The following IGSF11 variants were observed in gnomAD, a reference collection of about 807,000 sequenced individuals.
IGSF11 encodes the protein immunoglobulin superfamily member 11, also known as CXADR like 1.
In IGSF11, 22 loss-of-function variants were observed where a neutral mutation model predicts 41.0. That is an observed-to-expected ratio of 0.54 (90% confidence interval 0.38 to 0.77). IGSF11 has a LOEUF of 0.77. Ranked by LOEUF, IGSF11 falls within the 30% of genes least tolerant of loss-of-function variation. The pLI, the probability that IGSF11 is intolerant of heterozygous loss-of-function variation, is 0.00. For synonymous variants in IGSF11, 219 were observed against 201.3 expected, an observed-to-expected ratio of 1.09 and a Z score of -0.74; for missense variants, 444 against 530.8, an observed-to-expected ratio of 0.84 and a Z score of 1.61.
At chr3:118,969,181 C>G (rs547844206) in intron 1 of IGSF11, among the ~76,000 whole-genome samples, 2 of 151,706 alleles carry the variant, frequency 1.3e-5, no homozygotes, top group South Asian at 2.1e-4. Context: ...ATGCAAGTGC[C>G]AAGTGGTAAA....
intron 1 of IGSF11, among the ~76,000 whole-genome samples, chr3:118,977,228 A>G (rs2107629243): frequency 6.6e-6 from 1 of 152,260 alleles, no homozygotes; most frequent in East Asian, 1.9e-4. Context: ...TGGGAGGGTG[A>G]GCTCAGAGGT....
At chr3:119,045,286 T>C (rs969193387) in intron 1 of IGSF11, among the ~76,000 whole-genome samples, 5 of 152,260 alleles carry the variant, frequency 3.3e-5, no homozygotes, top group Admixed American at 1.3e-4. Context: ...AGTGGGTGCG[T>C]GCACCGTGCA....
At chr3:119,137,219 A>G (rs72953085) in intron 1 of IGSF11, among the ~76,000 whole-genome samples, 12,122 of 152,180 alleles carry the variant, frequency 0.08, 638 homozygotes, top group Admixed American at 0.16. Context: ...AATAAAAAAA[A>G]AATCCTCAAA....
chr3:119,140,813 G>A (rs889274737), intron 1 of IGSF11, among the ~76,000 whole-genome samples: 88 of 151,906 alleles, frequency 5.8e-4, no homozygotes, highest in African/African-American at 2.0e-3. Flanking sequence ...GGAGGCCGAG[G>A]AGGGTGGATC....
At chr3:118,928,329 A>C (rs1240729433) in intron 3 of IGSF11, among the ~76,000 whole-genome samples, 180 bp downstream of exon 3, 1 of 152,212 alleles carries the variant, frequency 6.6e-6, no homozygotes, top group Non-Finnish European at 1.5e-5. Flanking sequence ...CCGGAAATGA[A>C]GAAAGGAGGG....
intron 1 of IGSF11, among the ~76,000 whole-genome samples, chr3:119,081,906 A>G (rs2107481913): frequency 6.6e-6 from 1 of 152,324 alleles, no homozygotes; most frequent in South Asian, 2.1e-4. Flanking sequence ...AGCCAAGGTA[A>G]GCACTGAGAA....
rs751146481 is a variant in IGSF11 at position 118,928,679 on chromosome 3, G to A, written c.254C>T (p.Ala85Val). 20 of 1,613,828 alleles carry A rather than the reference G, an allele frequency of 1.2e-5. No individual in the cohort carries two copies. Among genetic ancestry groups the A allele is most frequent in the Admixed American group, 1.7e-5 (1 of 59,980 alleles). Reference sequence around the variant, plus strand: ...TCCTACCCTACCGTGGAACCGGGGGGCACCATCAAACATCTGTCCACCCTG... The same window carrying A: ...TCCTACCCTACCGTGGAACCGGGGGACACCATCAAACATCTGTCCACCCTG... Reference protein sequence around the residue: ...LYQGGQMFDGAPRFHGRVGFT... With the variant: ...LYQGGQMFDGVPRFHGRVGFT... Residue 85 changes from alanine to valine, a missense_variant, in exon 3 of 7, where the codon GCC (alanine) becomes GTC (valine). Transcript: ENST00000393775.
chr3:118,927,101 G>A (rs1942391929), intron 3 of IGSF11, among the ~76,000 whole-genome samples: 1 of 152,032 alleles, frequency 6.6e-6, no homozygotes, highest in African/African-American at 2.4e-5. Flanking sequence ...AAAAAAAAGT[G>A]GGTAGGGGAA....
Position 118,904,743 on chromosome 3 carries a change from A to C in IGSF11, c.759T>G (p.Ile253Met). The C allele has an allele frequency of 6.2e-7, 1 of 1,613,824 alleles. No individual in the cohort carries two copies. Among genetic ancestry groups the C allele is most frequent in the Non-Finnish European group, 8.5e-7 (1 of 1,179,784 alleles). Reference sequence around the variant, plus strand: ...AAATTAGTGCAATGCAAAAAATGATAATAACTGCACCAGTGCCAATGGCTC... The same window carrying C: ...AAATTAGTGCAATGCAAAAAATGATCATAACTGCACCAGTGCCAATGGCTC... Reference protein sequence around the residue: ...IAGAIGTGAVIIIFCIALILG... With the variant: ...IAGAIGTGAVMIIFCIALILG... Residue 253 changes from isoleucine to methionine, a missense_variant, in exon 6 of 7, where the codon ATT becomes ATG. Transcript: ENST00000393775.
chr3:118,999,592 A>C (rs543974530), intron 1 of IGSF11, among the ~76,000 whole-genome samples: 1 of 152,342 alleles, frequency 6.6e-6, no homozygotes, highest in South Asian at 2.1e-4. Flanking sequence ...CTTGTAAGTG[A>C]CTGAGCAAAA....
At chr3:119,112,916 C>G (rs1180539466) in intron 1 of IGSF11, 1 of 152,334 alleles carries the variant, frequency 6.6e-6, no homozygotes, top group African/African-American at 2.4e-5. Flanking sequence ...GCAGAGGAGG[C>G]CTCAGGAAAC....
intron 1 of IGSF11, among the ~76,000 whole-genome samples, chr3:119,144,449 A>G (rs1329159452): frequency 6.6e-6 from 1 of 152,242 alleles, no homozygotes; most frequent in African/African-American, 2.4e-5. Context: ...CATACAATGT[A>G]TCTTCTCTGA....
chr3:119,078,455 A>G (rs1177009094), intron 1 of IGSF11, among the ~76,000 whole-genome samples: 1 of 152,214 alleles, frequency 6.6e-6, no homozygotes, highest in Non-Finnish European at 1.5e-5. Flanking sequence ...GTCGACAACA[A>G]GCAATGGGGA....
upstream of IGSF11, chr3:119,034,960 C>T: frequency 1.9e-6 from 1 of 522,138 alleles, no homozygotes; most frequent in Non-Finnish European, 2.5e-6. Context: ...GTCTCCAGGG[C>T]AACCGCGGCT....
At chr3:119,066,025 T>C (rs1576755508) in intron 1 of IGSF11, among the ~76,000 whole-genome samples, 1 of 152,152 alleles carries the variant, frequency 6.6e-6, no homozygotes, top group Admixed American at 6.5e-5. Context: ...TGGTTAGTAG[T>C]ATTTTTTTAA....
intron 1 of IGSF11, among the ~76,000 whole-genome samples, chr3:118,943,361 C>A (rs962999397): frequency 6.6e-5 from 10 of 152,164 alleles, no homozygotes; most frequent in Middle Eastern, 3.2e-3. Flanking sequence ...AAAAATAAAT[C>A]TTAATGCCCT....
intron 1 of IGSF11, among the ~76,000 whole-genome samples, chr3:119,141,119 T>C (rs2077643130): frequency 6.8e-6 from 1 of 147,434 alleles, no homozygotes; most frequent in African/African-American, 2.5e-5. Flanking sequence ...AGAAAAAATT[T>C]AGAAAAATCA....
intron 1 of IGSF11, among the ~76,000 whole-genome samples, chr3:119,015,588 T>C (rs996135656): frequency 1.3e-5 from 2 of 152,196 alleles, no homozygotes; most frequent in African/African-American, 4.8e-5. Context: ...AGGCAGGAAC[T>C]TGAGAAAAAA....
At chr3:119,020,046 T>C (rs138453467) in intron 1 of IGSF11, among the ~76,000 whole-genome samples, 14 of 152,290 alleles carry the variant, frequency 9.2e-5, no homozygotes, top group South Asian at 6.2e-4. Flanking sequence ...TAGCTGTTCA[T>C]ATGCCAGGAA....
Sources: allele counts gnomAD v4.1 joint callset (sites outside exome capture counted in the v4.1 genomes callset), GRCh38; gene constraint gnomAD v4.1.1; transcripts MANE v1.5; gene names NCBI Gene and HGNC (gene_info 2026-07-23, HGNC 2026-07-21).